NUP88: variants seen among roughly 807,000 people sequenced by gnomAD.
The protein encoded by NUP88 is nucleoporin 88, also known as nuclear pore complex protein Nup88.
A neutral mutation model predicts 93.9 loss-of-function variants in NUP88; 57 were observed. The observed-to-expected ratio is 0.61, with a 90% CI of 0.49 to 0.76. The LOEUF (loss-of-function observed/expected upper bound fraction) is 0.76. Ranked by LOEUF, NUP88 falls within the 30% of genes least tolerant of loss-of-function variation. NUP88 has a pLI of 0.00. For synonymous variants in NUP88, 346 were observed against 336.8 expected, an observed-to-expected ratio of 1.03 and a Z score of -0.30; for missense variants, 911 against 901.0, an observed-to-expected ratio of 1.01 and a Z score of -0.14.
At position 5,416,368 on chromosome 17, in the gene NUP88, T is replaced by C. The variant is rs369983250; in HGVS notation, c.467+145A>G. ...ATCAATTACACATATACTATGAACA[T>C]TGATAACACAGAAGCCAGTCTGCAG... On this transcript the variant is annotated intron_variant, in intron 2 of 16. Coordinates refer to ENST00000573584, the MANE Select transcript of NUP88 (RefSeq NM_002532.6). The C allele has an allele frequency of 6.6e-4, 351 of 535,638 alleles. 5 individuals carry two copies. The South Asian group carries it at 8.8e-3, about 13-fold the overall frequency. The allele number at this position is 535,638 out of a possible 1,614,324, so 33.2% of individuals were successfully genotyped here.
At chr17:5,389,515 C>G (rs1192550041) in intron 10 of NUP88, among the ~76,000 whole-genome samples, 1 of 152,164 alleles carries the variant, frequency 6.6e-6, no homozygotes, top group African/African-American at 2.4e-5. Flanking sequence ...TGGTGGCTCA[C>G]GCCTGTAATC....
intron 9 of NUP88, among the ~76,000 whole-genome samples, chr17:5,394,648 C>A (rs759211112): frequency 3.3e-5 from 5 of 151,922 alleles, no homozygotes; most frequent in Non-Finnish European, 7.4e-5. Context: ...GAGAAGACAG[C>A]AAGCTGGGGC....
intron 10 of NUP88, among the ~76,000 whole-genome samples, chr17:5,389,900 TC>T (rs1163230546): frequency 2.0e-5 from 3 of 151,664 alleles, no homozygotes; most frequent in Admixed American, 6.6e-5. Context: ...GCACGGTGGC[TC>T]ATGCCTGTAA....
intron 6 of NUP88, among the ~76,000 whole-genome samples, chr17:5,404,765 A>C (rs1172763352): frequency 1.3e-5 from 2 of 152,192 alleles, no homozygotes; most frequent in South Asian, 4.1e-4. Flanking sequence ...TGTTTGTGAA[A>C]AAAGCCAATT....
At chr17:5,397,489 T>C (rs972796810) in intron 8 of NUP88, among the ~76,000 whole-genome samples, 7 of 152,026 alleles carry the variant, frequency 4.6e-5, no homozygotes, top group African/African-American at 7.3e-5. Flanking sequence ...CCTTTGAAGA[T>C]AGAGGAAGAG....
intron 3 of NUP88, among the ~76,000 whole-genome samples, chr17:5,413,196 T>C (rs1913940704): frequency 6.6e-6 from 1 of 152,130 alleles, no homozygotes. Flanking sequence ...GGTCTCGAAC[T>C]CAGGGGCTCA....
intron 7 of NUP88, among the ~76,000 whole-genome samples, chr17:5,401,324 G>A (rs932627078): frequency 6.6e-6 from 1 of 151,982 alleles, no homozygotes; most frequent in East Asian, 1.9e-4. Flanking sequence ...TGGAGGTTGC[G>A]GTGAGCCGAG....
At chr17:5,393,879 C>T (rs1912604458) in intron 9 of NUP88, among the ~76,000 whole-genome samples, 2 of 152,122 alleles carry the variant, frequency 1.3e-5, no homozygotes, top group Admixed American at 6.6e-5. Context: ...GTGTATACTC[C>T]ATGTCTAACA....
chr17:5,406,981 G>A (rs1412068051), intron 5 of NUP88, among the ~76,000 whole-genome samples: 1 of 152,116 alleles, frequency 6.6e-6, no homozygotes, highest in African/African-American at 2.4e-5. Context: ...TTGGGTTTTG[G>A]GCTAACGTTA....
At position 5,386,133 on chromosome 17, in the gene NUP88, TCTAC is replaced by T; in HGVS notation, c.*69_*72del. The T allele has an allele frequency of 9.0e-7, 1 of 1,115,990 alleles. No individual in the cohort carries two copies. The highest frequency in any genetic ancestry group is 1.5e-5 in the South Asian group (1 of 68,842). 69.1% of individuals were successfully genotyped at this position (1,115,990 alleles called of 1,614,324 possible). On this transcript the variant is annotated 3_prime_UTR_variant, in exon 17 of 17. Coordinates refer to ENST00000573584, the MANE Select transcript of NUP88 (RefSeq NM_002532.6). ...AACACCTTTTTATAAATTAGATAAT[TCTAC>T]CTGTTTTACAATATGGGTTTAAGCC...
At chr17:5,400,142 A>AAAAAAAAAAC (rs1913057881) in intron 7 of NUP88, among the ~76,000 whole-genome samples, 1 of 135,160 alleles carries the variant, frequency 7.4e-6, no homozygotes, top group Non-Finnish European at 1.5e-5. Flanking sequence ...TCATTTGTTA[A>AAAAAAAAAAC]AAAAAAAAAA....
Position 5,419,423 on chromosome 17 carries a change from G to C in NUP88, c.228C>G (p.Ser76Arg), listed in dbSNP as rs1002329249. ...GELFLWDGED[S>R]SFLVVRLRGP... is the part of the protein sequence containing the mutation. The stretch of plus-strand genomic sequence containing the variant: ...CCCGAAGGCGAACGACTAAGAAGGA[G>C]CTGTCTTCTCCGTCCCACAGGAAAA... Residue 76 changes from serine (S) to arginine (R), a missense_variant, in exon 1 of 17, where the codon AGC (serine) becomes AGG (arginine). Transcript: ENST00000573584. 6.2e-7 allele frequency: 1 copy of C among 1,613,678 alleles called. No individual in the cohort carries two copies. The highest frequency in any genetic ancestry group is 8.5e-7 in the Non-Finnish European group (1 of 1,179,770).
chr17:5,388,390 G>A (rs2003418), intron 11 of NUP88: 72,821 of 159,262 alleles, frequency 0.46, 17,483 homozygotes, highest in East Asian at 0.83. Context: ...GGTTCAAGCG[G>A]TTCTCCTGCC....
chr17:5,410,609 T>A, intron 4 of NUP88, 94 bp downstream of exon 4: 1 of 728,860 alleles, frequency 1.4e-6, no homozygotes, highest in African/African-American at 1.8e-5. Context: ...AGCATGCTAG[T>A]CACCTCTGAA....
chr17:5,399,587 G>C lies in NUP88; in HGVS notation c.1256C>G (p.Thr419Ser), dbSNP rs1269208267. 6.2e-7 allele frequency: 1 copy of C among 1,609,324 alleles called. No homozygotes were observed. Among genetic ancestry groups the C allele is most frequent in the East Asian group, 2.2e-5 (1 of 44,672 alleles). Residue 419 changes from threonine to serine, a missense_variant, in exon 8 of 17, where the codon ACT becomes AGT. By Grantham distance (58) the Thr-to-Ser change is moderately conservative. Coordinates refer to ENST00000573584, the MANE Select transcript of NUP88 (RefSeq NM_002532.6). The part of the protein sequence containing the change: ...HEAGVHSVGL[T>S]WIHKLHKFLG... ...AAATTTGTGAAGTTTATGAATCCAA[G>C]TTAGCCCAACACTATGTACACCAGC...
intron 5 of NUP88, among the ~76,000 whole-genome samples, chr17:5,405,873 C>T (rs558496429): frequency 6.6e-6 from 1 of 152,266 alleles, no homozygotes; most frequent in East Asian, 1.9e-4. Flanking sequence ...TGGTGTTCTC[C>T]AGGATTCTGT....
chr17:5,397,350 ATT>A (rs56312052), intron 8 of NUP88, among the ~76,000 whole-genome samples: 17 of 149,686 alleles, frequency 1.1e-4, no homozygotes, highest in Admixed American at 9.4e-4. Flanking sequence ...TCTTAAAAGA[ATT>A]TTTTTTTTTT....
At chr17:5,399,171 G>A (rs151332922) in intron 8 of NUP88, among the ~76,000 whole-genome samples, 1,659 of 147,658 alleles carry the variant, frequency 0.011, 27 homozygotes, top group African/African-American at 0.039. Context: ...GACTACAGGC[G>A]TGAGCCACCG....
At chr17:5,400,214 A>C (rs558990455) in intron 7 of NUP88, among the ~76,000 whole-genome samples, 1 of 151,656 alleles carries the variant, frequency 6.6e-6, no homozygotes, top group South Asian at 2.1e-4. Context: ...AAGTATAAAA[A>C]ATGGCTGGGT....
Sources: allele counts gnomAD v4.1 joint callset (sites outside exome capture counted in the v4.1 genomes callset), GRCh38; gene constraint gnomAD v4.1.1; transcripts MANE v1.5; gene names NCBI Gene and HGNC (gene_info 2026-07-23, HGNC 2026-07-21).